The following GALNT7 variants were observed in gnomAD, a reference collection of about 807,000 sequenced individuals.
GALNT7 encodes polypeptide N-acetylgalactosaminyltransferase 7, also known as N-acetylgalactosaminyltransferase 7.
In GALNT7, 60 loss-of-function variants were observed where a neutral mutation model predicts 82.1. The observed-to-expected ratio is 0.73, with a 90% CI of 0.59 to 0.91. The LOEUF (loss-of-function observed/expected upper bound fraction) is 0.91. Among genes scored for constraint, GALNT7 ranks in the 40% least tolerant of loss-of-function variants. The pLI is 0.00. For synonymous variants in GALNT7, 243 were observed against 275.1 expected, an observed-to-expected ratio of 0.88 and a Z score of 1.15; for missense variants, 660 against 804.2, an observed-to-expected ratio of 0.82 and a Z score of 2.17.
At chr4:173,250,198 C>T (rs945028586) in intron 2 of GALNT7, among the ~76,000 whole-genome samples, 1 of 152,052 alleles carries the variant, frequency 6.6e-6, no homozygotes, top group African/African-American at 2.4e-5. Flanking sequence ...TCCATCACTG[C>T]ACACCTGAGG....
chr4:173,248,264 C>T lies in GALNT7; in HGVS notation c.411C>T (p.Pro137=), dbSNP rs1175810314. ...LRPGILGNFE[P]KEPEPPGVVG... Reference sequence around the variant, plus strand: ...CAGGGATCCTCGGTAACTTTGAACCCAAAGAACCTGAGCCTCCTGGAGTGG... The same window carrying T: ...CAGGGATCCTCGGTAACTTTGAACCTAAAGAACCTGAGCCTCCTGGAGTGG... Residue 137 remains proline, a synonymous_variant, in exon 2 of 12, where the codon CCC becomes CCT. Transcript: ENST00000265000. 2 of 1,613,920 alleles carry T rather than the reference C, an allele frequency of 1.2e-6. No individual in the cohort carries two copies. The highest frequency in any genetic ancestry group is 1.1e-5 in the South Asian group (1 of 91,072).
At chr4:173,274,589 A>G (rs759147392) in intron 2 of GALNT7, among the ~76,000 whole-genome samples, 18 of 152,192 alleles carry the variant, frequency 1.2e-4, no homozygotes, top group Non-Finnish European at 2.5e-4. Context: ...GTTTCTTTAT[A>G]TATAAAATGA....
intron 2 of GALNT7, among the ~76,000 whole-genome samples, chr4:173,279,871 G>A (rs914914926): frequency 6.6e-5 from 10 of 152,086 alleles, no homozygotes; most frequent in Middle Eastern, 3.4e-3. Flanking sequence ...GCTCTTCGGG[G>A]GGCTGAGGCA....
intron 1 of GALNT7, among the ~76,000 whole-genome samples, chr4:173,215,634 C>T (rs1390794194): frequency 6.6e-6 from 1 of 152,164 alleles, no homozygotes; most frequent in Non-Finnish European, 1.5e-5. Context: ...CCTAGCCTGA[C>T]TTGAGAAGTT....
chr4:173,318,549 A>G lies in GALNT7; in HGVS notation c.1826A>G (p.Gln609Arg). The change falls in exon 11 of 12, where the codon CAG becomes CGG. Residue 609 changes from glutamine (Q) to arginine (R), a missense_variant. Gln to Arg is a conservative substitution (Grantham distance 43). Coordinates refer to ENST00000265000, the MANE Select transcript of GALNT7 (RefSeq NM_017423.3). ...HCNLNEFKEW[Q>R]YFKNLHRFTH... ...AATCTAAATGAATTTAAGGAATGGC[A>G]GTACTTCAAGGTATTCTGCATTTTA... 1 of 1,559,242 alleles carries G rather than the reference A, an allele frequency of 6.4e-7. No homozygotes were observed. The highest frequency in any genetic ancestry group is 1.7e-5 in the Admixed American group (1 of 59,162).
intron 2 of GALNT7, among the ~76,000 whole-genome samples, chr4:173,290,354 C>T (rs1446948791): frequency 6.6e-6 from 1 of 152,146 alleles, no homozygotes; most frequent in Non-Finnish European, 1.5e-5. Context: ...CTTATACATG[C>T]TCACATGGGA....
In GALNT7 at chr4:173,221,459, G is replaced by A. The variant is rs188199138; in HGVS notation, c.127-26521G>A. 2.0e-5 allele frequency among the ~76,000 whole-genome samples: 3 copies of A among 152,314 alleles called. No homozygotes were observed. In the East Asian group the frequency reaches 5.8e-4, roughly 29 times the overall value. On this transcript the variant is annotated intron_variant, in intron 1 of 11. Coordinates refer to ENST00000265000, the MANE Select transcript of GALNT7 (RefSeq NM_017423.3). ...TGAGCTGAATTTTTCAAATAGAGTA[G>A]AGCTATTAATCATATTAGGTCAGAG...
chr4:173,222,524 T>C (rs1733679062), intron 1 of GALNT7, among the ~76,000 whole-genome samples: 1 of 152,180 alleles, frequency 6.6e-6, no homozygotes, highest in Admixed American at 6.5e-5. Flanking sequence ...TTAAAAATTA[T>C]GCATTTGAAA....
chr4:173,303,174 G>T (rs1326327399), intron 7 of GALNT7, among the ~76,000 whole-genome samples: 1 of 151,172 alleles, frequency 6.6e-6, no homozygotes, highest in Non-Finnish European at 1.5e-5. Context: ...CAGCCTGGGG[G>T]ACAGAGCGAG....
At chr4:173,180,863 C>T (rs925813939) in intron 1 of GALNT7, among the ~76,000 whole-genome samples, 6 of 152,236 alleles carry the variant, frequency 3.9e-5, no homozygotes, top group Middle Eastern at 3.4e-3. Flanking sequence ...TTTCTTATTG[C>T]CTAATCCAAC....
chr4:173,202,229 G>C (rs2126655214), intron 1 of GALNT7, among the ~76,000 whole-genome samples: 1 of 152,310 alleles, frequency 6.6e-6, no homozygotes, highest in African/African-American at 2.4e-5. Context: ...CCCAGTGTCT[G>C]TCATAGGGCA....
intron 2 of GALNT7, among the ~76,000 whole-genome samples, chr4:173,253,674 G>A (rs962579678): frequency 8.5e-5 from 13 of 152,262 alleles, no homozygotes; most frequent in African/African-American, 2.6e-4. Flanking sequence ...AGGCTTTGAA[G>A]CTCAGTAACA....
intron 5 of GALNT7, 144 bp from the exon 6 acceptor site, chr4:173,297,971 C>T (rs1736780882): frequency 1.3e-6 from 2 of 1,482,016 alleles, no homozygotes; most frequent in Non-Finnish European, 1.8e-6. Flanking sequence ...AAAACTGAAC[C>T]TTATCGGTAA....
chr4:173,192,173 A>G (rs1000932800), intron 1 of GALNT7, among the ~76,000 whole-genome samples: 33 of 152,274 alleles, frequency 2.2e-4, no homozygotes, highest in African/African-American at 7.5e-4. Flanking sequence ...TGGAGAAATA[A>G]TTGTTAAGAT....
intron 2 of GALNT7, among the ~76,000 whole-genome samples, chr4:173,252,124 A>G (rs771751905): frequency 6.6e-6 from 1 of 152,214 alleles, no homozygotes; most frequent in Non-Finnish European, 1.5e-5. Context: ...AAAATCGCCT[A>G]AGTGTTGCAT....
At chr4:173,205,220 G>A (rs575916228) in intron 1 of GALNT7, among the ~76,000 whole-genome samples, 5 of 152,110 alleles carry the variant, frequency 3.3e-5, no homozygotes, top group Admixed American at 2.0e-4. Flanking sequence ...CTGGTCCTGG[G>A]GTAGGTCTTG....
At chr4:173,183,764 G>A (rs1230929845) in intron 1 of GALNT7, among the ~76,000 whole-genome samples, 89 of 150,558 alleles carry the variant, frequency 5.9e-4, no homozygotes, top group African/African-American at 1.9e-3. Flanking sequence ...CGGACGGGGC[G>A]GCTGGCCTGG....
At chr4:173,250,637 C>G (rs1330358545) in intron 2 of GALNT7, among the ~76,000 whole-genome samples, 2 of 152,022 alleles carry the variant, frequency 1.3e-5, no homozygotes, top group African/African-American at 4.8e-5. Flanking sequence ...CTCTTACTGT[C>G]TTTTTTTTCA....
rs147048581 is a variant in GALNT7 at position 173,261,518 on chromosome 4, A to G, written c.587+13078A>G. Reference sequence around the variant, plus strand: ...TTACAGAGCACCCTTTAACGTGCTTAAAAAATAGATAGCTACAGCTGGGCA... The same window carrying G: ...TTACAGAGCACCCTTTAACGTGCTTGAAAAATAGATAGCTACAGCTGGGCA... On this transcript the variant is annotated intron_variant, in intron 2 of 11. Coordinates refer to ENST00000265000, the MANE Select transcript of GALNT7 (RefSeq NM_017423.3). Among the ~76,000 whole-genome samples, 808 of 152,266 alleles carry G rather than the reference A, an allele frequency of 5.3e-3. 10 individuals are homozygous for G. Among genetic ancestry groups the G allele is most frequent in the African/African-American group, 0.019 (779 of 41,556 alleles).
Sources: allele counts gnomAD v4.1 joint callset (sites outside exome capture counted in the v4.1 genomes callset), GRCh38; gene constraint gnomAD v4.1.1; transcripts MANE v1.5; gene names NCBI Gene and HGNC (gene_info 2026-07-23, HGNC 2026-07-21).